MYCBP2: variants seen among roughly 807,000 people sequenced by gnomAD.
MYCBP2 encodes the protein E3 ubiquitin-protein ligase MYCBP2.
A neutral mutation model predicts 525.3 loss-of-function variants in MYCBP2; 120 were observed. The observed-to-expected ratio is 0.23, with a 90% CI of 0.20 to 0.27. The LOEUF (loss-of-function observed/expected upper bound fraction) is 0.27, where lower values mean the gene tolerates loss of function less well. MYCBP2 is among the 10% of genes least tolerant of loss of function. The pLI is 1.00. For missense variants in MYCBP2, 4,149 were observed against 5,657.1 expected (o/e 0.73, Z 8.55); for synonymous variants, 1,894 against 1,955.8 (o/e 0.97, Z 0.83).
At chr13:77,206,176 T>C (rs1009768105) in intron 24 of MYCBP2, among the ~76,000 whole-genome samples, 1 of 151,928 alleles carries the variant, frequency 6.6e-6, no homozygotes. Context: ...AATAATATAT[T>C]GCACTACATC....
In MYCBP2 at chr13:77,211,437, G is replaced by A. The variant is rs373350885; in HGVS notation, c.3263-117C>T. On this transcript the variant is annotated intron_variant, in intron 22 of 82. Coordinates refer to ENST00000544440, the MANE Select transcript of MYCBP2 (RefSeq NM_015057.5). ...GGTGAATAAGCAGAGAATAAAAGAG[G>A]CTAAGTAATTAAAAAATCTTTAAGT... 25 of 465,814 alleles carry A rather than the reference G, an allele frequency of 5.4e-5. 1 individual carries two copies. Among genetic ancestry groups the A allele is most frequent in the East Asian group, 2.4e-4 (4 of 16,736 alleles). The allele number at this position is 465,814 out of a possible 1,614,324, so 28.9% of individuals were successfully genotyped here.
At chr13:77,078,156 T>G (rs1382248404) in intron 66 of MYCBP2, 1 of 152,210 alleles carries the variant, frequency 6.6e-6, no homozygotes, top group East Asian at 1.9e-4. Flanking sequence ...ATAGGATTAT[T>G]TTCCCAAATT....
chr13:77,085,605 C>G (rs1196322517), intron 62 of MYCBP2, among the ~76,000 whole-genome samples: 2 of 152,138 alleles, frequency 1.3e-5, no homozygotes, highest in Non-Finnish European at 2.9e-5. Flanking sequence ...ATTTGACCGG[C>G]CTTGTGAATT....
At chr13:77,303,821 T>C (rs1043954305) in intron 1 of MYCBP2, among the ~76,000 whole-genome samples, 4 of 146,200 alleles carry the variant, frequency 2.7e-5, no homozygotes, top group African/African-American at 1.0e-4. Flanking sequence ...CTCAAGAAGC[T>C]AGAAAGAAAA....
At chr13:77,110,106 T>C (rs1271577552) in intron 55 of MYCBP2, 2 of 152,240 alleles carry the variant, frequency 1.3e-5, no homozygotes, top group Non-Finnish European at 2.9e-5. Flanking sequence ...CCATAAGGTC[T>C]GACTGCCTGC....
At chr13:77,259,106 A>G (rs1235339901) in intron 13 of MYCBP2, among the ~76,000 whole-genome samples, 1 of 152,136 alleles carries the variant, frequency 6.6e-6, no homozygotes, top group Non-Finnish European at 1.5e-5. Flanking sequence ...AATACAAAAA[A>G]TACAAAAAAT....
At chr13:77,122,428 G>A (rs72628061) in intron 54 of MYCBP2, among the ~76,000 whole-genome samples, 3,770 of 151,702 alleles carry the variant, frequency 0.025, 110 homozygotes, top group East Asian at 0.13. Context: ...TTGGCCGGTC[G>A]CGGTGGCTTA....
At chr13:77,200,848 A>G (rs1370897292) in intron 26 of MYCBP2, among the ~76,000 whole-genome samples, 1 of 152,152 alleles carries the variant, frequency 6.6e-6, no homozygotes, top group East Asian at 1.9e-4. Context: ...ATGCTGAGAG[A>G]TTTTGTCACC....
chr13:77,184,101 C>T (rs749117031), intron 32 of MYCBP2, among the ~76,000 whole-genome samples: 2 of 151,858 alleles, frequency 1.3e-5, no homozygotes, highest in Admixed American at 6.6e-5. Flanking sequence ...TGATTTTAAA[C>T]CTTTCTTCTT....
Position 77,326,778 on chromosome 13 carries a change from TCGCCGC to T in MYCBP2, c.-9_-4del, listed in dbSNP as rs754197897. On this transcript the variant is annotated 5_prime_UTR_variant, in exon 1 of 83. Coordinates refer to ENST00000544440, the MANE Select transcript of MYCBP2 (RefSeq NM_015057.5). This position sits in a 1 kb window ranked among gnomAD's most constrained non-coding sequence, Gnocchi z 4.2. ...GCAGTCGCTGCGCACATCATCATCC[TCGCCGC>T]CGCCGCCGCCGCCGCCGCCTCGTCC... 180 of 1,400,778 alleles carry T rather than the reference TCGCCGC, an allele frequency of 1.3e-4. No homozygotes were observed. In the African/African-American group the frequency reaches 1.8e-3, roughly 14 times the overall value. 86.8% of individuals were successfully genotyped at this position (1,400,778 alleles called of 1,614,324 possible).
intron 44 of MYCBP2, 28 bp from the exon 45 acceptor site, chr13:77,158,137 A>G (rs1186235806): frequency 1.4e-6 from 2 of 1,407,842 alleles, no homozygotes; most frequent in Non-Finnish European, 1.9e-6. Context: ...ATATTTATAT[A>G]TTCTTAAAAA....
In MYCBP2 at chr13:77,108,816, G is replaced by A. The variant is rs552217927; in HGVS notation, c.8141-9803C>T. ...CCTCCCAGGTTTACACCATTCTCCCGCCTCAGCTTCCTGAGTAGCTGGGAC... is the reference window on the plus strand; with the variant it reads ...CCTCCCAGGTTTACACCATTCTCCCACCTCAGCTTCCTGAGTAGCTGGGAC... On this transcript the variant is annotated intron_variant, in intron 55 of 82. Transcript: ENST00000544440. Among the ~76,000 whole-genome samples, 12 of 151,286 alleles carry A rather than the reference G, an allele frequency of 7.9e-5. No homozygotes were observed. In the South Asian group the frequency reaches 1.3e-3, roughly 16 times the overall value.
chr13:77,169,331 G>A (rs1015901670), intron 39 of MYCBP2, among the ~76,000 whole-genome samples: 7 of 149,942 alleles, frequency 4.7e-5, no homozygotes, highest in Non-Finnish European at 8.9e-5. Context: ...GGAAGGCGGA[G>A]CTTGCAGTGA....
intron 23 of MYCBP2, among the ~76,000 whole-genome samples, chr13:77,207,634 A>AT (rs1369324745): frequency 6.6e-6 from 1 of 152,206 alleles, no homozygotes; most frequent in Non-Finnish European, 1.5e-5. Flanking sequence ...ATTTTAAATT[A>AT]TTTTTAAAAA....
At chr13:77,168,681 A>C (rs755781890) in intron 39 of MYCBP2, 35 bp from the exon 40 acceptor site, 2 of 1,583,200 alleles carry the variant, frequency 1.3e-6, no homozygotes, top group Admixed American at 3.3e-5. Flanking sequence ...TAAATGAGAT[A>C]CACGTGAAAG....
chr13:77,205,183 A>G, intron 26 of MYCBP2, 73 bp downstream of exon 26: 1 of 1,299,608 alleles, frequency 7.7e-7, no homozygotes, highest in Non-Finnish European at 1.0e-6. Flanking sequence ...TAGACATTAA[A>G]TAATAAAATA....
chr13:77,262,994 G>A (rs976516683), intron 10 of MYCBP2, among the ~76,000 whole-genome samples: 2 of 151,890 alleles, frequency 1.3e-5, no homozygotes, highest in Non-Finnish European at 2.9e-5. Context: ...TACAAGTTAC[G>A]GAAGGTCACT....
chr13:77,256,504 G>T (rs9600845), intron 14 of MYCBP2, among the ~76,000 whole-genome samples: 4,052 of 151,972 alleles, frequency 0.027, 194 homozygotes, highest in African/African-American at 0.091. Context: ...GAAATTCAGT[G>T]GTTTTCCTAA....
chr13:77,230,989 T>C (rs1447320449), intron 18 of MYCBP2, among the ~76,000 whole-genome samples: 2 of 152,168 alleles, frequency 1.3e-5, no homozygotes, highest in Non-Finnish European at 2.9e-5. Context: ...GATAATTAAA[T>C]GACAAGACAG....
Sources: allele counts gnomAD v4.1 joint callset (sites outside exome capture counted in the v4.1 genomes callset), GRCh38; gene constraint gnomAD v4.1.1; non-coding constraint Gnocchi (gnomAD v3.1); transcripts MANE v1.5; gene names NCBI Gene and HGNC (gene_info 2026-07-23, HGNC 2026-07-21).